Variants in CDH4 observed in about 807,000 individuals in gnomAD.
CDH4 encodes the protein cadherin 4.
Under a neutral mutation model 86.0 loss-of-function variants are expected in CDH4, and 33 were observed. The observed-to-expected ratio is 0.38, with a 90% CI of 0.29 to 0.51. The LOEUF (loss-of-function observed/expected upper bound fraction) is 0.51, where lower values mean the gene tolerates loss of function less well. Ranked by LOEUF, CDH4 falls within the 20% of genes least tolerant of loss-of-function variation. The probability of loss-of-function intolerance (pLI) is 0.86; values close to 1 mark genes in which losing one functional copy is unlikely to be tolerated. For missense variants in CDH4, 1,114 were observed against 1,307.4 expected (o/e 0.85, Z 2.28); for synonymous variants, 555 against 549.4 (o/e 1.01, Z -0.14).
chr20:61,252,601 G>T lies in CDH4; in HGVS notation c.57+31G>T. 1 of 1,191,818 alleles carries T rather than the reference G, an allele frequency of 8.4e-7. No homozygotes were observed. Among genetic ancestry groups the T allele is most frequent in the Non-Finnish European group, 1.0e-6 (1 of 959,372 alleles). The allele number at this position is 1,191,818 out of a possible 1,614,324, so 73.8% of individuals were successfully genotyped here. A position where few individuals can be genotyped will look rare whatever the true frequency, so the allele number is the denominator to read the frequency against. ...TTGCCGCCTCCCGCCCCCGCCGTTCGGAAGCCCCGGGCAGCGGGAGGTCGT... is the reference window on the plus strand; with the variant it reads ...TTGCCGCCTCCCGCCCCCGCCGTTCTGAAGCCCCGGGCAGCGGGAGGTCGT... On this transcript the variant is annotated intron_variant, in intron 1 of 15. Coordinates refer to ENST00000614565, the MANE Select transcript of CDH4 (RefSeq NM_001794.5). This position sits in a 1 kb window ranked among gnomAD's most constrained non-coding sequence, Gnocchi z 4.4.
chr20:61,857,079 C>T (rs893925048), intron 6 of CDH4, among the ~76,000 whole-genome samples: 4 of 152,242 alleles, frequency 2.6e-5, no homozygotes, highest in East Asian at 1.9e-4. Flanking sequence ...CAAGAGTCCC[C>T]GCAAAAGTCC....
At chr20:61,404,583 A>G (rs2085069758) in intron 2 of CDH4, among the ~76,000 whole-genome samples, 1 of 152,120 alleles carries the variant, frequency 6.6e-6, no homozygotes, top group South Asian at 2.1e-4. Flanking sequence ...GCACAGAGAC[A>G]ACGTGGGCAG....
intron 2 of CDH4, among the ~76,000 whole-genome samples, chr20:61,581,682 C>T (rs79728196): frequency 0.016 from 2,368 of 152,260 alleles, 66 homozygotes; most frequent in African/African-American, 0.054. Flanking sequence ...CTCCGTGACC[C>T]AGGGTAATCT....
Position 61,743,819 on chromosome 20 carries a change from G to T in CDH4, c.396+30G>T, listed in dbSNP as rs574260761. Reference sequence around the variant, plus strand: ...GGTGTGACCGCCCGGGTCTGCGCTGGAGTTTAGATGACCTAGTTCCTCCTG... The same window carrying T: ...GGTGTGACCGCCCGGGTCTGCGCTGTAGTTTAGATGACCTAGTTCCTCCTG... On this transcript the variant is annotated intron_variant, in intron 3 of 15. Coordinates refer to ENST00000614565, the MANE Select transcript of CDH4 (RefSeq NM_001794.5). 610 of 1,497,104 alleles carry T rather than the reference G, an allele frequency of 4.1e-4. 7 individuals carry two copies. In the South Asian group the frequency reaches 6.9e-3, roughly 17 times the overall value. 92.7% of individuals were successfully genotyped at this position (1,497,104 alleles called of 1,614,324 possible).
chr20:61,396,052 A>G (rs2085014896), intron 2 of CDH4, among the ~76,000 whole-genome samples: 1 of 152,172 alleles, frequency 6.6e-6, no homozygotes, highest in African/African-American at 2.4e-5. Flanking sequence ...GTTTGAGTAA[A>G]TAATACATAA....
intron 2 of CDH4, among the ~76,000 whole-genome samples, chr20:61,319,495 G>T (rs1243703546): frequency 5.3e-5 from 8 of 152,144 alleles, no homozygotes; most frequent in African/African-American, 1.7e-4. Flanking sequence ...CAATGAGCAC[G>T]GGCATGCGGA....
intron 2 of CDH4, among the ~76,000 whole-genome samples, chr20:61,554,754 C>T (rs1429139169): frequency 6.6e-6 from 1 of 152,250 alleles, no homozygotes; most frequent in East Asian, 1.9e-4. Context: ...CATGCATGAA[C>T]ATATATGTGC....
intron 2 of CDH4, among the ~76,000 whole-genome samples, chr20:61,257,261 T>C (rs1440800436): frequency 1.3e-5 from 2 of 152,188 alleles, no homozygotes; most frequent in African/African-American, 2.4e-5. Context: ...GCCCCAAACA[T>C]ACAGATTCCA....
At chr20:61,592,064 A>G (rs1230757194) in intron 2 of CDH4, among the ~76,000 whole-genome samples, 2 of 152,178 alleles carry the variant, frequency 1.3e-5, no homozygotes, top group Admixed American at 6.5e-5. Flanking sequence ...TTGTCTGTCA[A>G]TCCTTCTTTT....
intron 2 of CDH4, among the ~76,000 whole-genome samples, chr20:61,680,287 T>C (rs1171143348): frequency 1.3e-5 from 2 of 152,192 alleles, no homozygotes; most frequent in African/African-American, 4.8e-5. Flanking sequence ...AGGCTGGGAC[T>C]AAGACGGGGA....
intron 2 of CDH4, among the ~76,000 whole-genome samples, chr20:61,636,318 A>G (rs2086945983): frequency 1.3e-5 from 2 of 152,258 alleles, no homozygotes; most frequent in Non-Finnish European, 2.9e-5. Context: ...AAAGGCAGAA[A>G]GTGGCTCCTA....
chr20:61,255,178 G>A (rs1222247594), intron 2 of CDH4, among the ~76,000 whole-genome samples: 1 of 152,180 alleles, frequency 6.6e-6, no homozygotes, highest in Non-Finnish European at 1.5e-5. Flanking sequence ...CTGTAATTCG[G>A]ATGTAACATC....
chr20:61,767,820 C>T (rs1438468823), intron 3 of CDH4, among the ~76,000 whole-genome samples: 1 of 152,188 alleles, frequency 6.6e-6, no homozygotes, highest in East Asian at 1.9e-4. Flanking sequence ...CCCAGAAACA[C>T]TCATGGGAGA....
At chr20:61,314,307 A>C (rs1489734115) in intron 2 of CDH4, among the ~76,000 whole-genome samples, 1 of 152,164 alleles carries the variant, frequency 6.6e-6, no homozygotes, top group Non-Finnish European at 1.5e-5. Context: ...CCATTGTTCT[A>C]TTCTCTGCTT....
intron 2 of CDH4, among the ~76,000 whole-genome samples, chr20:61,407,674 G>A (rs2085091717): frequency 6.6e-6 from 1 of 152,214 alleles, no homozygotes; most frequent in African/African-American, 2.4e-5. Flanking sequence ...GTGCAGATAA[G>A]CTGTATTCTA....
In CDH4 at chr20:61,933,054, T is replaced by C; in HGVS notation, c.2309T>C (p.Ile770Thr). 1 of 1,613,296 alleles carries C rather than the reference T, an allele frequency of 6.2e-7. No homozygotes were observed. Among genetic ancestry groups the C allele is most frequent in the Non-Finnish European group, 8.5e-7 (1 of 1,180,016 alleles). The change falls in exon 14 of 16, where the codon ATT becomes ACT. Residue 770 changes from isoleucine to threonine, a missense_variant. Physicochemically the swap from Ile to Thr is moderately conservative, Grantham distance 89. Around this residue, in one of 3 missense-constraint regions of CDH4, gnomAD observed 705 missense variants for 914.1 expected, o/e 0.77. Coordinates refer to ENST00000614565, the MANE Select transcript of CDH4 (RefSeq NM_001794.5). ...GAGCGCCACACGAAGCAGCTGCTCATTGACCCCGAGGACGACGTCCGCGAC... is the reference window on the plus strand; with the variant it reads ...GAGCGCCACACGAAGCAGCTGCTCACTGACCCCGAGGACGACGTCCGCGAC... ...EKERHTKQLLIDPEDDVRDNI... is the reference protein window; with the variant it reads ...EKERHTKQLLTDPEDDVRDNI...
chr20:61,491,953 G>A (rs1600709848), intron 2 of CDH4, among the ~76,000 whole-genome samples: 3 of 152,210 alleles, frequency 2.0e-5, no homozygotes, highest in Non-Finnish European at 2.9e-5. Context: ...GCTGATGTTG[G>A]TGGTGCTGAT....
intron 4 of CDH4, among the ~76,000 whole-genome samples, chr20:61,821,696 G>A (rs908631132): frequency 6.6e-6 from 1 of 152,242 alleles, no homozygotes; most frequent in Non-Finnish European, 1.5e-5. Flanking sequence ...AGACCCTTGG[G>A]GGGGTCTACT....
At chr20:61,534,770 G>A (rs1292198266) in intron 2 of CDH4, among the ~76,000 whole-genome samples, 6 of 146,212 alleles carry the variant, frequency 4.1e-5, no homozygotes, top group Non-Finnish European at 7.4e-5. Flanking sequence ...AGCAGCCTCT[G>A]GTGGGACAGT....
Sources: allele counts gnomAD v4.1 joint callset (sites outside exome capture counted in the v4.1 genomes callset), GRCh38; gene constraint gnomAD v4.1.1; regional missense constraint gnomAD v4.1.1; non-coding constraint Gnocchi (gnomAD v3.1); transcripts MANE v1.5; gene names NCBI Gene and HGNC (gene_info 2026-07-23, HGNC 2026-07-21).